The following OLR1 variants were observed in gnomAD, a reference collection of about 807,000 sequenced individuals.
The protein encoded by OLR1 is oxidized low-density lipoprotein receptor 1.
In OLR1, 23 loss-of-function variants were observed where a neutral mutation model predicts 31.7. The ratio of observed to expected loss-of-function variants is 0.72; its 90% CI spans 0.52 to 1.03. The LOEUF (loss-of-function observed/expected upper bound fraction) is 1.03. Ranked by LOEUF, OLR1 falls within the 50% of genes least tolerant of loss-of-function variation. The pLI is 0.00. For missense variants in OLR1, 286 were observed against 315.7 expected (o/e 0.91, Z 0.71); for synonymous variants, 117 against 115.8 (o/e 1.01, Z -0.07).
At position 10,158,692 on chromosome 12, in the gene OLR1, T is replaced by C. The variant is rs566290994; in HGVS notation, c.*1188A>G. The stretch of plus-strand genomic sequence containing the variant: ...CCACAAGGTGTGAAAACTTATCAAA[T>C]AGTACACTTTAAATATGTTCAGTTT... On this transcript the variant is annotated 3_prime_UTR_variant, in exon 6 of 6. Transcript: ENST00000309539. The C allele has an allele frequency of 1.3e-5, 2 of 152,228 alleles. No homozygotes were observed. The highest frequency in any genetic ancestry group is 4.8e-5 in the African/African-American group (2 of 41,542). The allele number at this position is 152,228 out of a possible 1,614,324, so 9.4% of individuals were successfully genotyped here. A position where few individuals can be genotyped will look rare whatever the true frequency, so the allele number is the denominator to read the frequency against.
chr12:10,170,034 C>T (rs767221674), intron 1 of OLR1, among the ~76,000 whole-genome samples: 4 of 152,116 alleles, frequency 2.6e-5, no homozygotes, highest in Non-Finnish European at 5.9e-5. Flanking sequence ...TATCATTATC[C>T]TCTGTATGCA....
chr12:10,166,166 A>G (rs1229287395), intron 3 of OLR1, among the ~76,000 whole-genome samples: 1 of 152,056 alleles, frequency 6.6e-6, no homozygotes, highest in Non-Finnish European at 1.5e-5. Context: ...AACTGAGATC[A>G]CACCACTGCT....
At chr12:10,162,551 G>A (rs35244882) in intron 3 of OLR1, among the ~76,000 whole-genome samples, 97 of 152,256 alleles carry the variant, frequency 6.4e-4, no homozygotes, top group African/African-American at 2.1e-3. Context: ...TTTTTGGCTG[G>A]GGGTGGTGGC....
At chr12:10,166,581 T>C (rs559918737) in intron 3 of OLR1, 131 bp downstream of exon 3, 29 of 870,252 alleles carry the variant, frequency 3.3e-5, no homozygotes, top group African/African-American at 1.9e-4. Context: ...ACTTCTTGTA[T>C]AGAACATTAT....
At chr12:10,175,603 T>A (rs940382239), upstream of OLR1, 8 of 152,276 alleles carry the variant, frequency 5.3e-5, no homozygotes, top group Non-Finnish European at 1.2e-4. Flanking sequence ...CTTGTTTAAC[T>A]TTTTTAACTC....
At chr12:10,174,378 C>T (rs1019593169), upstream of OLR1, among the ~76,000 whole-genome samples, 1 of 152,144 alleles carries the variant, frequency 6.6e-6, no homozygotes. Flanking sequence ...GTCTTCTTGA[C>T]TGGGTCATGG....
intron 3 of OLR1, among the ~76,000 whole-genome samples, chr12:10,161,703 C>T (rs567239515): frequency 1.3e-5 from 2 of 152,028 alleles, no homozygotes; most frequent in South Asian, 2.1e-4. Flanking sequence ...CCACCACACC[C>T]GGCTAGTTTG....
Position 10,163,304 on chromosome 12 carries a change from G to A in OLR1, c.425-2379C>T, listed in dbSNP as rs562963857. ...AAAACCATTTGAGGAAGTGTTTCTCGGTGCTGCTCTCGAGACATTTTGATA... is the reference window on the plus strand; with the variant it reads ...AAAACCATTTGAGGAAGTGTTTCTCAGTGCTGCTCTCGAGACATTTTGATA... On this transcript the variant is annotated intron_variant, in intron 3 of 5. Coordinates refer to ENST00000309539, the MANE Select transcript of OLR1 (RefSeq NM_002543.4). 1.6e-4 allele frequency among the ~76,000 whole-genome samples: 24 copies of A among 151,792 alleles called. No homozygotes were observed. In the South Asian group the frequency reaches 2.1e-3, roughly 13 times the overall value.
chr12:10,169,859 C>T (rs967262738), intron 1 of OLR1, among the ~76,000 whole-genome samples: 9 of 151,082 alleles, frequency 6.0e-5, no homozygotes, highest in African/African-American at 1.7e-4. Context: ...GAAATATTCA[C>T]CATTTTGAAA....
chr12:10,171,743 C>T (rs534809359), intron 1 of OLR1, among the ~76,000 whole-genome samples: 54 of 152,110 alleles, frequency 3.6e-4, no homozygotes, highest in African/African-American at 4.6e-4. Context: ...AATGTTATTG[C>T]GAAGATTCTG....
chr12:10,160,264 G>T, intron 5 of OLR1, 83 bp downstream of exon 5: 1 of 1,111,682 alleles, frequency 9.0e-7, no homozygotes, highest in Non-Finnish European at 1.3e-6. Context: ...ACATTGGTGG[G>T]ATGCAGGCAG....
At chr12:10,173,750 G>A (rs1178325799), upstream of OLR1, among the ~76,000 whole-genome samples, 1 of 143,728 alleles carries the variant, frequency 7.0e-6, no homozygotes, top group East Asian at 2.1e-4. Context: ...GGGCAACAGA[G>A]CGAGACTCCC....
chr12:10,163,619 A>C (rs1263563107), intron 3 of OLR1, among the ~76,000 whole-genome samples: 1 of 150,646 alleles, frequency 6.6e-6, no homozygotes, highest in South Asian at 2.1e-4. Flanking sequence ...TTTTAGTATT[A>C]CTTTTTAAAG....
upstream of OLR1, among the ~76,000 whole-genome samples, chr12:10,176,146 T>C (rs1948764108): frequency 6.6e-6 from 1 of 152,242 alleles, no homozygotes; most frequent in African/African-American, 2.4e-5. Context: ...CTGTCCAAAG[T>C]GTACTTCGTT....
rs1948596819 is a variant in OLR1 at position 10,158,958 on chromosome 12, C to G, written c.*922G>C. ...TTTCTATTCAGCGATATTTGCATAC[C>G]TGGCTTAGTTTGTTCTAGATTGAGT... On this transcript the variant is annotated 3_prime_UTR_variant, in exon 6 of 6. Transcript: ENST00000309539. 1 of 152,118 alleles carries G rather than the reference C, an allele frequency of 6.6e-6. No individual in the cohort carries two copies. Among genetic ancestry groups the G allele is most frequent in the Non-Finnish European group, 1.5e-5 (1 of 68,026 alleles). The allele number at this position is 152,118 out of a possible 1,614,324, so 9.4% of individuals were successfully genotyped here.
In OLR1 at chr12:10,169,086, G is replaced by A; in HGVS notation, c.166C>T (p.Leu56=). The A allele has an allele frequency of 6.2e-7, 1 of 1,609,914 alleles. No individual in the cohort carries two copies. The highest frequency in any genetic ancestry group is 1.1e-5 in the South Asian group (1 of 90,374). ...CLGLVVTIMV[L]GMQLSQVSDL... ...TTTTAGCACTTACATTGCATGCCCA[G>A]CACCATAATGGTCACTACTAATCCC... The change falls in exon 2 of 6, where the codon CTG becomes TTG. Residue 56 remains leucine (L), a synonymous_variant. Transcript: ENST00000309539.
At chr12:10,167,103 G>A in intron 2 of OLR1, 146 bp from the exon 3 acceptor site, 1 of 713,644 alleles carries the variant, frequency 1.4e-6, no homozygotes, top group South Asian at 1.9e-5. Context: ...AGAAGTTACA[G>A]ATTTGGAGGT....
chr12:10,174,767 C>T (rs1408066176), upstream of OLR1, among the ~76,000 whole-genome samples: 5 of 152,196 alleles, frequency 3.3e-5, no homozygotes, highest in Admixed American at 6.5e-5. Flanking sequence ...TGGAAACCAC[C>T]GTTCCATTTT....
At position 10,160,211 on chromosome 12, in the gene OLR1, G is replaced by A. The variant is rs1027823820; in HGVS notation, c.680+136C>T. The A allele has an allele frequency of 6.3e-5, 58 of 917,448 alleles. No individual in the cohort carries two copies. The Admixed American group carries it at 7.9e-4, about 12-fold the overall frequency. 56.8% of individuals were successfully genotyped at this position (917,448 alleles called of 1,614,324 possible). ...TTTTTGTGAAAGAGGTAAGGAAGGAGACTTTGAGAAATTCCCCCAAGCTTC... is the reference window on the plus strand; with the variant it reads ...TTTTTGTGAAAGAGGTAAGGAAGGAAACTTTGAGAAATTCCCCCAAGCTTC... On this transcript the variant is annotated intron_variant, in intron 5 of 5. Transcript: ENST00000309539.
Sources: gnomAD v4.1 joint callset for allele counts (sites outside exome capture counted in the v4.1 genomes callset) on GRCh38, gnomAD v4.1.1 for gene constraint, MANE v1.5 for transcripts, NCBI Gene and HGNC (gene_info 2026-07-23, HGNC 2026-07-21) for gene names.